The following POU2F1 variants were observed in gnomAD, a reference collection of about 807,000 sequenced individuals.
The protein encoded by POU2F1 is POU class 2 homeobox 1.
POU2F1 carries 16 observed loss-of-function variants against 84.9 expected under a neutral mutation model. That is an observed-to-expected ratio of 0.19 (90% confidence interval 0.13 to 0.29). The LOEUF (loss-of-function observed/expected upper bound fraction) is 0.29, where lower values mean the gene tolerates loss of function less well. Among genes scored for constraint, POU2F1 ranks in the 10% least tolerant of loss-of-function variants. The pLI is 1.00. For synonymous variants in POU2F1, 368 were observed against 368.3 expected (o/e 1.00, Z 0.01); for missense variants, 738 against 942.6 (o/e 0.78, Z 2.84).
chr1:167,337,454 G>C (rs1430452558), intron 2 of POU2F1, among the ~76,000 whole-genome samples: 1 of 152,152 alleles, frequency 6.6e-6, no homozygotes, highest in African/African-American at 2.4e-5. Flanking sequence ...TTAAAAGGCA[G>C]GTGAAGGATC....
chr1:167,264,834 C>T lies in POU2F1; in HGVS notation c.61+43876C>T, dbSNP rs532025815. 3.3e-5 allele frequency among the ~76,000 whole-genome samples: 5 copies of T among 152,310 alleles called. No homozygotes were observed. The South Asian group carries it at 8.3e-4, about 25-fold the overall frequency. ...CTTTAAAATGTTAGAGCATGTCTCT[C>T]CTGCTCCAGATCTTCCCACGGTTTC... On this transcript the variant is annotated intron_variant, in intron 1 of 15. Transcript: ENST00000367866.
intron 9 of POU2F1, among the ~76,000 whole-genome samples, chr1:167,395,537 G>A (rs543147100): frequency 6.6e-6 from 1 of 152,184 alleles, no homozygotes; most frequent in Admixed American, 6.5e-5. Context: ...AATATCTTGG[G>A]TTATCTAGAG....
intron 1 of POU2F1, among the ~76,000 whole-genome samples, chr1:167,247,694 G>A (rs1650437880): frequency 6.6e-6 from 1 of 151,856 alleles, no homozygotes; most frequent in African/African-American, 2.4e-5. Flanking sequence ...TTCTGTTGTT[G>A]GTCAGTAAGG....
intron 1 of POU2F1, among the ~76,000 whole-genome samples, chr1:167,300,596 C>T (rs1482825817): frequency 6.6e-6 from 1 of 152,104 alleles, no homozygotes; most frequent in African/African-American, 2.4e-5. Context: ...TCCCGAGTAG[C>T]TGGGACTACA....
chr1:167,411,044 T>C (rs1233287781), intron 13 of POU2F1, among the ~76,000 whole-genome samples: 1 of 151,790 alleles, frequency 6.6e-6, no homozygotes, highest in Non-Finnish European at 1.5e-5. Flanking sequence ...ATAATTTCTT[T>C]TTTTTTTTTT....
intron 2 of POU2F1, among the ~76,000 whole-genome samples, chr1:167,355,024 A>C (rs1330493152): frequency 1.3e-5 from 2 of 151,994 alleles, no homozygotes; most frequent in African/African-American, 4.8e-5. Flanking sequence ...AGTTAAATTT[A>C]TGTGTTTTCA....
rs76286039 is a variant in POU2F1 at position 167,337,337 on chromosome 1, A to G, written c.127+4802A>G. Among the ~76,000 whole-genome samples, 805 of 152,080 alleles carry G rather than the reference A, an allele frequency of 5.3e-3. 6 individuals are homozygous for G. Among genetic ancestry groups the G allele is most frequent in the African/African-American group, 0.018 (762 of 41,520 alleles). On this transcript the variant is annotated intron_variant, in intron 2 of 15. Coordinates refer to ENST00000367866, the MANE Select transcript of POU2F1 (RefSeq NM_002697.4). Reference sequence around the variant, plus strand: ...AGACCTTGTCTCAAAAAAAAAAGAAAGAAAAAAGAGAATGCAGCTTTTATG... The same window carrying G: ...AGACCTTGTCTCAAAAAAAAAAGAAGGAAAAAAGAGAATGCAGCTTTTATG...
intron 1 of POU2F1, among the ~76,000 whole-genome samples, chr1:167,237,883 G>T (rs1347639316): frequency 1.1e-4 from 16 of 145,354 alleles, no homozygotes; most frequent in African/African-American, 3.8e-4. Flanking sequence ...GGGTTCAAGC[G>T]ATTCTCCTGC....
intron 1 of POU2F1, among the ~76,000 whole-genome samples, chr1:167,291,015 G>C (rs535453807): frequency 3.6e-4 from 54 of 148,898 alleles, no homozygotes; most frequent in African/African-American, 1.3e-3. Context: ...CACTGCACCC[G>C]GCCTGGGTTA....
chr1:167,383,776 C>T, intron 7 of POU2F1, 81 bp from the exon 8 acceptor site: 2 of 1,283,192 alleles, frequency 1.6e-6, no homozygotes, highest in Non-Finnish European at 2.2e-6. Flanking sequence ...ATTTTCAGCT[C>T]ATTTTCTGAT....
chr1:167,306,890 T>C (rs1655107406), intron 1 of POU2F1, among the ~76,000 whole-genome samples: 1 of 152,202 alleles, frequency 6.6e-6, no homozygotes. Context: ...ATAAAGGGTG[T>C]AGACTTTAAC....
At chr1:167,412,942 G>A (rs914770676) in intron 14 of POU2F1, 84 bp from the exon 15 acceptor site, 16 of 1,145,482 alleles carry the variant, frequency 1.4e-5, no homozygotes, top group Admixed American at 2.0e-5. Flanking sequence ...CTGGATTTTC[G>A]TTTTGTAAGT....
At chr1:167,267,830 A>G (rs768764709) in intron 1 of POU2F1, among the ~76,000 whole-genome samples, 1 of 151,446 alleles carries the variant, frequency 6.6e-6, no homozygotes, top group Non-Finnish European at 1.5e-5. Context: ...TTTAGTAGAG[A>G]TGGGTTTTAC....
At position 167,425,299 on chromosome 1, in the gene POU2F1, TCAAAA is replaced by T. The variant is rs1414594564; in HGVS notation, c.*9494_*9498del. ...AAGATTTCTTAATGATTGTATAAAC[TCAAAA>T]CAAACAAAAGAACCAAAGAAAAGGG... is the stretch of plus-strand genomic sequence containing the variant. On this transcript the variant is annotated 3_prime_UTR_variant, in exon 16 of 16. Transcript: ENST00000367866. 2.0e-5 allele frequency: 3 copies of T among 151,994 alleles called. No homozygotes were observed. Among genetic ancestry groups the T allele is most frequent in the African/African-American group, 4.8e-5 (2 of 41,334 alleles). The allele number at this position is 151,994 out of a possible 1,614,324, so 9.4% of individuals were successfully genotyped here. A position where few individuals can be genotyped will look rare whatever the true frequency, so the allele number is the denominator to read the frequency against.
intron 1 of POU2F1, among the ~76,000 whole-genome samples, chr1:167,256,958 T>A (rs867347393): frequency 6.6e-6 from 1 of 152,222 alleles, no homozygotes; most frequent in South Asian, 2.1e-4. Context: ...CTGTACCTTT[T>A]CACTGTCTGG....
chr1:167,226,248 G>T (rs1319165110), intron 1 of POU2F1, among the ~76,000 whole-genome samples: 1 of 152,120 alleles, frequency 6.6e-6, no homozygotes, highest in Non-Finnish European at 1.5e-5. Flanking sequence ...CTTTCTGCAT[G>T]AATTTTTTCC....
At chr1:167,299,163 C>CAAAAAA (rs71073663) in intron 1 of POU2F1, among the ~76,000 whole-genome samples, 10 of 96,768 alleles carry the variant, frequency 1.0e-4, no homozygotes, top group African/African-American at 1.7e-4. Context: ...AACGCCATCT[C>CAAAAAA]AAAAAAAAAA....
chr1:167,311,251 C>CT (rs1357521514), intron 1 of POU2F1, among the ~76,000 whole-genome samples: 1 of 151,984 alleles, frequency 6.6e-6, no homozygotes, highest in Non-Finnish European at 1.5e-5. Flanking sequence ...GAAATGACAC[C>CT]TTACCTATGG....
At chr1:167,238,140 C>G (rs1649641132) in intron 1 of POU2F1, among the ~76,000 whole-genome samples, 1 of 151,680 alleles carries the variant, frequency 6.6e-6, no homozygotes, top group African/African-American at 2.4e-5. Context: ...TTTTTCTGAT[C>G]CCTTAAATTA....
Sources: gnomAD v4.1 joint callset for allele counts (sites outside exome capture counted in the v4.1 genomes callset) on GRCh38, gnomAD v4.1.1 for gene constraint, MANE v1.5 for transcripts, NCBI Gene and HGNC (gene_info 2026-07-23, HGNC 2026-07-21) for gene names.